Variants in FIRRM observed in about 807,000 individuals in gnomAD.
FIRRM encodes the protein FIGNL1-interacting regulator of recombination and mitosis.
the FIRRM span, among the ~76,000 whole-genome samples, chr1:169,828,683 G>A: frequency 6.6e-6 from 1 of 151,922 alleles, no homozygotes; most frequent in African/African-American, 2.4e-5. Context: ...TAAATAACTG[G>A]GACTAATGGT....
the FIRRM span, chr1:169,827,195 A>G: frequency 9.1e-5 from 147 of 1,611,638 alleles, 1 homozygote; most frequent in South Asian, 1.6e-3. Flanking sequence ...TGGACAGTAA[A>G]TTAGGTAAGC....
At chr1:169,808,060 G>T in the FIRRM span, 54 of 845,116 alleles carry the variant, frequency 6.4e-5, no homozygotes, top group Admixed American at 4.3e-4. Flanking sequence ...GTTTTTTTTT[G>T]ATCTGTGGGA....
At chr1:169,827,143 T>C in the FIRRM span, 4 of 1,613,732 alleles carry the variant, frequency 2.5e-6, no homozygotes, top group East Asian at 4.5e-5. Context: ...GATCCACTTA[T>C]CAGTCAGCTG....
At chr1:169,834,452 G>A in the FIRRM span, among the ~76,000 whole-genome samples, 1 of 151,354 alleles carries the variant, frequency 6.6e-6, no homozygotes, top group South Asian at 2.1e-4. Flanking sequence ...ACAAATGTTA[G>A]GTCTCCTCTC....
chr1:169,844,067 A>G, the FIRRM span, among the ~76,000 whole-genome samples: 1 of 152,250 alleles, frequency 6.6e-6, no homozygotes, highest in African/African-American at 2.4e-5. Context: ...GTCATAGTTC[A>G]TGTGTTGAAC....
the FIRRM span, among the ~76,000 whole-genome samples, chr1:169,811,935 CAAAGAAAG>C: frequency 6.7e-6 from 1 of 148,822 alleles, no homozygotes; most frequent in Non-Finnish European, 1.5e-5. Context: ...TAGATAGAAA[CAAAGAAAG>C]AAAGAAAGAA....
the FIRRM span, among the ~76,000 whole-genome samples, chr1:169,784,637 G>A: frequency 3.0e-4 from 45 of 152,196 alleles, no homozygotes; most frequent in African/African-American, 1.0e-3. Context: ...TCTGTTTCCC[G>A]TTAGTTAATC....
chr1:169,786,463 A>G, the FIRRM span, among the ~76,000 whole-genome samples: 13 of 152,318 alleles, frequency 8.5e-5, no homozygotes, highest in African/African-American at 3.1e-4. Context: ...AGCAATGATA[A>G]TAAAAAAGCT....
chr1:169,838,821 G>T, the FIRRM span, among the ~76,000 whole-genome samples: 83 of 152,232 alleles, frequency 5.5e-4, no homozygotes, highest in Middle Eastern at 3.4e-3. Context: ...GGGGATACTT[G>T]TGCAGGTTTG....
At chr1:169,818,738 G>A in the FIRRM span, among the ~76,000 whole-genome samples, 1 of 152,138 alleles carries the variant, frequency 6.6e-6, no homozygotes, top group Non-Finnish European at 1.5e-5. Context: ...CCATGCTGGA[G>A]TACAATGGCA....
the FIRRM span, among the ~76,000 whole-genome samples, chr1:169,841,395 G>T: frequency 6.6e-6 from 1 of 152,156 alleles, no homozygotes; most frequent in African/African-American, 2.4e-5. Context: ...ATGTTTATTT[G>T]TAAAAGGAAA....
chr1:169,843,810 G>A, the FIRRM span: 1 of 1,319,898 alleles, frequency 7.6e-7, no homozygotes, highest in South Asian at 1.2e-5. Context: ...TTGCTAAGGA[G>A]GTTGCTAAAA....
At chr1:169,831,744 T>C in the FIRRM span, among the ~76,000 whole-genome samples, 3 of 152,166 alleles carry the variant, frequency 2.0e-5, no homozygotes, top group Non-Finnish European at 2.9e-5. Flanking sequence ...ATTTATAAAA[T>C]TTTTTTGTTA....
the FIRRM span, chr1:169,795,592 T>C: frequency 3.9e-6 from 4 of 1,021,018 alleles, no homozygotes; most frequent in Non-Finnish European, 4.7e-6. Flanking sequence ...ACGATAGCTC[T>C]GGCTCTTAAT....
the FIRRM span, among the ~76,000 whole-genome samples, chr1:169,799,225 T>G: frequency 6.6e-6 from 1 of 152,224 alleles, no homozygotes; most frequent in Non-Finnish European, 1.5e-5. Context: ...TAAACGTTAG[T>G]TGTTACGATT....
chr1:169,838,838 G>C, the FIRRM span, among the ~76,000 whole-genome samples: 1 of 152,024 alleles, frequency 6.6e-6, no homozygotes. Context: ...TTTGTTTCCT[G>C]GTTTTATTGC....
the FIRRM span, chr1:169,830,841 A>G: frequency 9.1e-7 from 1 of 1,093,498 alleles, no homozygotes; most frequent in East Asian, 2.4e-5. Context: ...GGCGGGAGAA[A>G]TATCACAGTA....
chr1:169,822,593 A>G, the FIRRM span, among the ~76,000 whole-genome samples: 1 of 152,066 alleles, frequency 6.6e-6, no homozygotes, highest in East Asian at 1.9e-4. Flanking sequence ...TCTGCCTCCC[A>G]GGTTCAAGTG....
the FIRRM span, among the ~76,000 whole-genome samples, chr1:169,841,085 T>A: frequency 2.5e-4 from 38 of 152,302 alleles, 1 homozygote; most frequent in African/African-American, 6.0e-4. Context: ...TGGCTGTGAG[T>A]TTGTCATAGA....
Sources: allele counts gnomAD v4.1 joint callset (sites outside exome capture counted in the v4.1 genomes callset), GRCh38; gene constraint gnomAD v4.1.1; transcripts MANE v1.5; gene names NCBI Gene and HGNC (gene_info 2026-07-23, HGNC 2026-07-21).